The following TBX2 variants were observed in gnomAD, a reference collection of about 807,000 sequenced individuals.
TBX2 encodes T-box transcription factor TBX2.
A neutral mutation model predicts 48.4 loss-of-function variants in TBX2; 19 were observed. The observed-to-expected ratio is 0.39, with a 90% CI of 0.27 to 0.58. The LOEUF (loss-of-function observed/expected upper bound fraction) is 0.58, where lower values mean the gene tolerates loss of function less well. TBX2 is among the 20% of genes least tolerant of loss of function. TBX2 has a pLI of 0.54. For missense variants in TBX2, 994 were observed against 1,006.5 expected (o/e 0.99, Z 0.17); for synonymous variants, 522 against 459.7 (o/e 1.14, Z -1.73).
chr17:61,402,336 T>C (rs2060266992), intron 2 of TBX2, among the ~76,000 whole-genome samples: 2 of 152,182 alleles, frequency 1.3e-5, no homozygotes, highest in African/African-American at 4.8e-5. Context: ...CCTCAACTTG[T>C]CCATCACCCT....
chr17:61,401,248 C>A (rs549314223), intron 1 of TBX2, among the ~76,000 whole-genome samples: 8 of 152,220 alleles, frequency 5.3e-5, no homozygotes, highest in African/African-American at 1.7e-4. Context: ...TCTTATCAGG[C>A]TCTGTAGCCC....
In TBX2 at chr17:61,403,977, TTTG is replaced by T. The variant is rs2060277199; in HGVS notation, c.811-441_811-439del. Among the ~76,000 whole-genome samples the T allele has an allele frequency of 6.6e-6, 1 of 151,988 alleles. No individual in the cohort carries two copies. The highest frequency in any genetic ancestry group is 2.1e-4 in the South Asian group (1 of 4,818). ...GTGAATTCGTTTGGTTCCGTAGGCG[TTTG>T]TTATGTCTGTGCACACTTGCGTGTG... On this transcript the variant is annotated intron_variant, in intron 3 of 6. Transcript: ENST00000240328. The surrounding 1 kb of genome is among the most constrained non-coding windows in gnomAD (Gnocchi z 5.8).
chr17:61,401,627 T>C (rs2060264147), intron 1 of TBX2, 57 bp from the exon 2 acceptor site: 2 of 1,559,830 alleles, frequency 1.3e-6, no homozygotes, highest in East Asian at 4.5e-5. Context: ...AGGAGTGGGG[T>C]CCTGGAACCT....
rs777352687 is a variant in TBX2, at chr17:61,408,087, C to T, written c.1720C>T (p.Pro574Ser). ...AATGCCCACTTTCGGAGGCCTCTTC[C>T]CCTACCCCTACACCTACATGGCAGC... Reference protein sequence around the residue: ...IPMPTFGGLFPYPYTYMAAAA... With the variant: ...IPMPTFGGLFSYPYTYMAAAA... Residue 574 changes from proline (P) to serine (S), a missense_variant, in exon 7 of 7, where the codon CCC becomes TCC. Around this residue, in one of 5 missense-constraint regions of TBX2, gnomAD observed 639 missense variants for 613.2 expected, o/e 1.04. Transcript: ENST00000240328. The T allele has an allele frequency of 7.5e-6, 12 of 1,605,056 alleles. No homozygotes were observed. The highest frequency in any genetic ancestry group is 5.4e-5 in the African/African-American group (4 of 74,626).
intron 2 of TBX2, 90 bp from the exon 3 acceptor site, chr17:61,402,952 GAGAGAGAGAGAGAGAGAGA>G (rs140392356): frequency 0.59 from 644,103 of 1,084,246 alleles, 173,893 homozygotes; most frequent in Non-Finnish European, 0.64. Flanking sequence ...GAGAGAGAGA[GAGAGAGAGAGAGAGAGAGA>G]AAGTGGAGAG....
rs1269676383 is a variant in TBX2, at chr17:61,405,231, G to A, written c.1081G>A (p.Asp361Asn). The A allele has an allele frequency of 1.3e-6, 2 of 1,562,728 alleles. No homozygotes were observed. Among genetic ancestry groups the A allele is most frequent in the East Asian group, 2.3e-5 (1 of 43,442 alleles). Residue 361 changes from aspartate (D) to asparagine (N), a missense_variant, in exon 6 of 7, where the codon GAC becomes AAC. Transcript: ENST00000240328. Reference sequence around the variant, plus strand: ...GGAGAAGTCGTGCGCCGCGGACAGCGACCCGGAGCCTGAGCGGTTGAGCGA... The same window carrying A: ...GGAGAAGTCGTGCGCCGCGGACAGCAACCCGGAGCCTGAGCGGTTGAGCGA... The part of the protein sequence containing the change: ...AEEKSCAADS[D>N]PEPERLSEER...
rs1184100899 is a variant in TBX2 at position 61,405,687 on chromosome 17, G to A, written c.1537G>A (p.Ala513Thr). 4 of 1,392,798 alleles carry A rather than the reference G, an allele frequency of 2.9e-6. No individual in the cohort carries two copies. The highest frequency in any genetic ancestry group is 3.7e-6 in the Non-Finnish European group (4 of 1,078,624). 86.3% of individuals were successfully genotyped at this position (1,392,798 alleles called of 1,614,324 possible). The change falls in exon 6 of 7, where the codon GCC (alanine) becomes ACC (threonine). Residue 513 changes from alanine to threonine, a missense_variant. Coordinates refer to ENST00000240328, the MANE Select transcript of TBX2 (RefSeq NM_005994.4). ...FSAMGMGHLL[A>T]SVAGGGNGGG... is the part of the protein sequence containing the mutation. ...CGCCATGGGCATGGGTCACCTACTG[G>A]CCTCGGTGGCAGGCGGCGGCAACGG...
At position 61,399,918 on chromosome 17, in the gene TBX2, C is replaced by G. The variant is rs935504109; in HGVS notation, c.-259C>G. On this transcript the variant is annotated 5_prime_UTR_variant, in exon 1 of 7. Transcript: ENST00000240328. This position sits in a 1 kb window ranked among gnomAD's most constrained non-coding sequence, Gnocchi z 4.7. ...TTCCAGAGATCACGACAAGATCTAA[C>G]CAGTCGCGCGTGGTCCCCGGCGCCG... 2.0e-5 allele frequency: 3 copies of G among 151,810 alleles called. No individual in the cohort carries two copies. The highest frequency in any genetic ancestry group is 7.2e-5 in the African/African-American group (3 of 41,392). 9.4% of individuals were successfully genotyped at this position (151,810 alleles called of 1,614,324 possible). A position where few individuals can be genotyped will look rare whatever the true frequency, so the allele number is the denominator to read the frequency against.
chr17:61,409,076 G>GAAAAA lies in TBX2; in HGVS notation c.*578_*582dup, dbSNP rs34091020. On this transcript the variant is annotated 3_prime_UTR_variant, in exon 7 of 7. Transcript: ENST00000240328. Reference sequence around the variant, plus strand: ...GCACTTCTGCCTTGAGTCCCCAGGGGAAAAAAAAAAAAGATATTTATGAAA... The same window carrying GAAAAA: ...GCACTTCTGCCTTGAGTCCCCAGGGGAAAAAAAAAAAAAAAAAGATATTTATGAAA... 1 of 148,256 alleles carries GAAAAA rather than the reference G, an allele frequency of 6.7e-6. No individual in the cohort carries two copies. Among genetic ancestry groups the GAAAAA allele is most frequent in the Non-Finnish European group, 1.5e-5 (1 of 67,008 alleles). The allele number at this position is 148,256 out of a possible 1,614,324, so 9.2% of individuals were successfully genotyped here. A position where few individuals can be genotyped will look rare whatever the true frequency, so the allele number is the denominator to read the frequency against.
chr17:61,404,792 G>A lies in TBX2; in HGVS notation c.1051+23G>A, dbSNP rs548574836. The A allele has an allele frequency of 7.3e-6, 11 of 1,512,708 alleles. No homozygotes were observed. In the African/African-American group the frequency reaches 1.5e-4, roughly 21 times the overall value. The allele number at this position is 1,512,708 out of a possible 1,614,324, so 93.7% of individuals were successfully genotyped here. A position where few individuals can be genotyped will look rare whatever the true frequency, so the allele number is the denominator to read the frequency against. On this transcript the variant is annotated intron_variant, in intron 5 of 6. Coordinates refer to ENST00000240328, the MANE Select transcript of TBX2 (RefSeq NM_005994.4). ...GAGGTGAGGGTCGGACCGGAGGAGG[G>A]ACAGGGAGGTGGCGGCGGGGGGTCC...
chr17:61,405,867 C>G, intron 6 of TBX2, 31 bp downstream of exon 6: 1 of 1,285,420 alleles, frequency 7.8e-7, no homozygotes, highest in Non-Finnish European at 9.8e-7. Context: ...GCAGCGCCAG[C>G]GAGGGAGAAG....
intron 4 of TBX2, 25 bp downstream of exon 4, chr17:61,404,522 TG>T: frequency 6.3e-7 from 1 of 1,596,552 alleles, no homozygotes; most frequent in Non-Finnish European, 8.5e-7. Flanking sequence ...ACAGCAGCCC[TG>T]TGGCGGGTGC....
Position 61,400,246 on chromosome 17 carries a change from T to C in TBX2, c.70T>C (p.Phe24Leu). The C allele has an allele frequency of 8.2e-7, 1 of 1,213,598 alleles. No individual in the cohort carries two copies. 75.2% of individuals were successfully genotyped at this position (1,213,598 alleles called of 1,614,324 possible). The change falls in exon 1 of 7, where the codon TTC becomes CTC. Residue 24 changes from phenylalanine (F) to leucine (L), a missense_variant. By Grantham distance (22) the Phe-to-Leu change is conservative. Transcript: ENST00000240328. This position sits in a 1 kb window ranked among gnomAD's most constrained non-coding sequence, Gnocchi z 9.2. The stretch of plus-strand genomic sequence containing the variant: ...GTTCCACGCGCCACGGCCCGCCGAC[T>C]TCCCCATGTCCGCCTTTCTGGCGGC... Reference protein sequence around the residue: ...HPFHAPRPADFPMSAFLAAAQ... With the variant: ...HPFHAPRPADLPMSAFLAAAQ...
Position 61,403,240 on chromosome 17 carries a change from C to A in TBX2, c.810+33C>A. On this transcript the variant is annotated intron_variant, in intron 3 of 6. Transcript: ENST00000240328. This position sits in a 1 kb window ranked among gnomAD's most constrained non-coding sequence, Gnocchi z 5.8. ...CGGCGGGCGGTGGGCTAAGCCCCTGCACTGACGCCCCTCAACACGTGCAGG... is the reference window on the plus strand; with the variant it reads ...CGGCGGGCGGTGGGCTAAGCCCCTGAACTGACGCCCCTCAACACGTGCAGG... 6.2e-7 allele frequency: 1 copy of A among 1,606,252 alleles called. No homozygotes were observed. Among genetic ancestry groups the A allele is most frequent in the Non-Finnish European group, 8.5e-7 (1 of 1,179,136 alleles).
chr17:61,407,074 G>T (rs918053812), intron 6 of TBX2: 10 of 152,164 alleles, frequency 6.6e-5, no homozygotes, highest in African/African-American at 2.4e-4. Flanking sequence ...TAGGGCTGCT[G>T]GTGGTTACAT....
Position 61,401,917 on chromosome 17 carries a change from A to T in TBX2, c.629A>T (p.Lys210Met). ...MAKPVAFHKL[K>M]LTNNISDKHG... ...AAGCCTGTGGCCTTCCACAAGCTGA[A>T]GCTGACCAACAACATCTCTGACAAG... Residue 210 changes from lysine to methionine, a missense_variant, in exon 2 of 7, where the codon AAG (lysine) becomes ATG (methionine). Around this residue, in one of 5 missense-constraint regions of TBX2, gnomAD observed 153 missense variants for 166.2 expected, o/e 0.92. Coordinates refer to ENST00000240328, the MANE Select transcript of TBX2 (RefSeq NM_005994.4). 6.2e-7 allele frequency: 1 copy of T among 1,609,442 alleles called. No individual in the cohort carries two copies. Among genetic ancestry groups the T allele is most frequent in the East Asian group, 2.2e-5 (1 of 44,794 alleles).
chr17:61,405,154 G>T (rs1206016483), intron 5 of TBX2, 48 bp from the exon 6 acceptor site: 5 of 1,466,732 alleles, frequency 3.4e-6, no homozygotes, highest in Non-Finnish European at 3.6e-6. Context: ...GATCCTGCTC[G>T]TCGGCCTCCG....
Position 61,408,594 on chromosome 17 carries a change from T to C in TBX2, c.*88T>C, listed in dbSNP as rs2060298203. 1 of 1,244,068 alleles carries C rather than the reference T, an allele frequency of 8.0e-7. No individual in the cohort carries two copies. Among genetic ancestry groups the C allele is most frequent in the Middle Eastern group, 2.9e-4 (1 of 3,478 alleles). 77.1% of individuals were successfully genotyped at this position (1,244,068 alleles called of 1,614,324 possible). A position where few individuals can be genotyped will look rare whatever the true frequency, so the allele number is the denominator to read the frequency against. On this transcript the variant is annotated 3_prime_UTR_variant, in exon 7 of 7. Coordinates refer to ENST00000240328, the MANE Select transcript of TBX2 (RefSeq NM_005994.4). ...GACGTGTACAGCACAGAATGAGTAT[T>C]TATTTAAATAAAGGAGAAAAGTGGG...
At position 61,409,268 on chromosome 17, in the gene TBX2, G is replaced by T. The variant is rs2060300157; in HGVS notation, c.*762G>T. On this transcript the variant is annotated 3_prime_UTR_variant, in exon 7 of 7. Coordinates refer to ENST00000240328, the MANE Select transcript of TBX2 (RefSeq NM_005994.4). Reference sequence around the variant, plus strand: ...ATCTATATTGTACAGGGCTGGGGGGGCCCTTGGCTGCGGGAGAAGGCCCAG... The same window carrying T: ...ATCTATATTGTACAGGGCTGGGGGGTCCCTTGGCTGCGGGAGAAGGCCCAG... The T allele has an allele frequency of 6.6e-6, 1 of 152,368 alleles. No homozygotes were observed. The allele number at this position is 152,368 out of a possible 1,614,324, so 9.4% of individuals were successfully genotyped here.
Sources: allele counts gnomAD v4.1 joint callset (sites outside exome capture counted in the v4.1 genomes callset), GRCh38; gene constraint gnomAD v4.1.1; regional missense constraint gnomAD v4.1.1; non-coding constraint Gnocchi (gnomAD v3.1); transcripts MANE v1.5; gene names NCBI Gene and HGNC (gene_info 2026-07-23, HGNC 2026-07-21).